OPCML: variants seen among roughly 807,000 people sequenced by gnomAD.
The protein encoded by OPCML is opioid binding protein/cell adhesion molecule like, also known as opioid-binding protein/cell adhesion molecule.
A neutral mutation model predicts 37.8 loss-of-function variants in OPCML; 13 were observed. That is an observed-to-expected ratio of 0.34 (90% CI 0.22 to 0.55). The LOEUF (loss-of-function observed/expected upper bound fraction) is 0.55. Among genes scored for constraint, OPCML ranks in the 20% least tolerant of loss-of-function variants. OPCML has a pLI of 0.91. For missense variants in OPCML, 341 were observed against 435.6 expected (o/e 0.78, Z 1.93); for synonymous variants, 176 against 168.8 (o/e 1.04, Z -0.33).
At chr11:132,426,310 A>G (rs12221543) in intron 7 of OPCML, among the ~76,000 whole-genome samples, 44,981 of 152,130 alleles carry the variant, frequency 0.3, 6,749 homozygotes, top group Admixed American at 0.31. Context: ...ATGCAGCTAC[A>G]AGGGAAGCTC....
Position 132,720,771 on chromosome 11 carries a change from T to G in OPCML, c.147-63452A>C, listed in dbSNP as rs573430174. ...AAGAAAATTAGCTGGAGATACAGTA[T>G]AGTCAGTGGTGACCTATTTATAAAA... is the stretch of plus-strand genomic sequence containing the variant. On this transcript the variant is annotated intron_variant, in intron 2 of 7. Coordinates refer to ENST00000524381, the MANE Select transcript of OPCML (RefSeq NM_001012393.5). Among the ~76,000 whole-genome samples the G allele has an allele frequency of 7.2e-5, 11 of 152,320 alleles. No individual in the cohort carries two copies. The East Asian group carries it at 2.1e-3, about 29-fold the overall frequency.
chr11:132,963,400 G>A (rs1338421366), intron 1 of OPCML, among the ~76,000 whole-genome samples: 1 of 151,930 alleles, frequency 6.6e-6, no homozygotes, highest in Non-Finnish European at 1.5e-5. Flanking sequence ...GACCAGCCTG[G>A]CCAATATGGT....
At chr11:132,495,298 C>T (rs567398978) in intron 4 of OPCML, among the ~76,000 whole-genome samples, 1 of 152,126 alleles carries the variant, frequency 6.6e-6, no homozygotes, top group Non-Finnish European at 1.5e-5. Context: ...AAGACAACTA[C>T]AATCTCAGAA....
At chr11:132,947,516 G>T (rs1487355590) in intron 1 of OPCML, among the ~76,000 whole-genome samples, 2 of 152,196 alleles carry the variant, frequency 1.3e-5, no homozygotes, top group Non-Finnish European at 1.5e-5. Flanking sequence ...TGACTGCAAA[G>T]GTCTCATTTA....
intron 3 of OPCML, among the ~76,000 whole-genome samples, chr11:132,572,177 T>C (rs1415232468): frequency 6.6e-6 from 1 of 152,084 alleles, no homozygotes; most frequent in Non-Finnish European, 1.5e-5. Context: ...GATTAACCCT[T>C]ACTGGACATA....
chr11:132,540,960 C>A (rs981700950), intron 3 of OPCML, among the ~76,000 whole-genome samples: 2 of 152,146 alleles, frequency 1.3e-5, no homozygotes, highest in Admixed American at 1.3e-4. Context: ...TCCTTTCCCC[C>A]CCGACTTGTA....
At chr11:133,052,948 T>C (rs893502531) in intron 1 of OPCML, among the ~76,000 whole-genome samples, 1 of 152,232 alleles carries the variant, frequency 6.6e-6, no homozygotes, top group Admixed American at 6.5e-5. Flanking sequence ...TTTTGAGATA[T>C]CTGAATTAAA....
At chr11:133,423,297 T>G (rs1945931540) in intron 1 of OPCML, 3 of 985,418 alleles carry the variant, frequency 3.0e-6, no homozygotes, top group Non-Finnish European at 3.6e-6. Flanking sequence ...GCAGAAAGAA[T>G]GAAGTTCTGA....
intron 1 of OPCML, among the ~76,000 whole-genome samples, chr11:133,047,175 T>C (rs922783034): frequency 1.3e-5 from 2 of 152,190 alleles, no homozygotes; most frequent in African/African-American, 2.4e-5. Flanking sequence ...TGTGGAAATA[T>C]GTGTCACCTT....
At chr11:132,842,185 C>T (rs374722021) in intron 2 of OPCML, among the ~76,000 whole-genome samples, 1 of 152,150 alleles carries the variant, frequency 6.6e-6, no homozygotes. Context: ...TACTACTTTA[C>T]CCCCTTCCTT....
At chr11:132,599,561 C>T (rs1252960503) in intron 3 of OPCML, among the ~76,000 whole-genome samples, 2 of 152,126 alleles carry the variant, frequency 1.3e-5, no homozygotes, top group Non-Finnish European at 2.9e-5. Flanking sequence ...GGCAGGCTCA[C>T]ATCTCACATT....
At chr11:132,871,879 A>G (rs1273049952) in intron 2 of OPCML, among the ~76,000 whole-genome samples, 1 of 152,160 alleles carries the variant, frequency 6.6e-6, no homozygotes, top group Non-Finnish European at 1.5e-5. Context: ...TCTTAAATGA[A>G]ATCTGCCTTA....
Position 132,490,599 on chromosome 11 carries a change from G to T in OPCML, c.505+38462C>A, listed in dbSNP as rs989076986. 3.9e-5 allele frequency among the ~76,000 whole-genome samples: 6 copies of T among 151,986 alleles called. 1 individual carries two copies. The Middle Eastern group carries it at 0.01, about 258-fold the overall frequency. On this transcript the variant is annotated intron_variant, in intron 4 of 7. Transcript: ENST00000524381. Reference sequence around the variant, plus strand: ...GTTGGGAGGCCGAGGCGGGCGGATCGTGAGGTCAGGAGATCGAGACCAACC... The same window carrying T: ...GTTGGGAGGCCGAGGCGGGCGGATCTTGAGGTCAGGAGATCGAGACCAACC...
intron 1 of OPCML, among the ~76,000 whole-genome samples, chr11:132,965,724 G>A (rs1946199293): frequency 1.3e-5 from 2 of 152,026 alleles, no homozygotes; most frequent in South Asian, 4.2e-4. Context: ...GTAGAGAGGG[G>A]GTTTCACTAT....
At chr11:133,276,567 AAAAC>A (rs1404646123) in intron 1 of OPCML, among the ~76,000 whole-genome samples, 2 of 152,240 alleles carry the variant, frequency 1.3e-5, no homozygotes, top group African/African-American at 4.8e-5. Flanking sequence ...GTAATATTGA[AAAAC>A]AGATTCTGAC....
chr11:133,044,537 G>T (rs902821905), intron 1 of OPCML, among the ~76,000 whole-genome samples: 1 of 152,178 alleles, frequency 6.6e-6, no homozygotes, highest in Non-Finnish European at 1.5e-5. Context: ...GGCCGAGGGC[G>T]AGCAGCCAGA....
intron 2 of OPCML, among the ~76,000 whole-genome samples, chr11:132,827,796 C>T (rs898457435): frequency 2.7e-5 from 4 of 146,996 alleles, no homozygotes; most frequent in East Asian, 1.9e-4. Flanking sequence ...CATGCCACCA[C>T]GCCTGGCTGA....
intron 1 of OPCML, among the ~76,000 whole-genome samples, chr11:133,522,259 T>C (rs1196110769): frequency 1.3e-5 from 2 of 151,876 alleles, no homozygotes; most frequent in Non-Finnish European, 2.9e-5. Flanking sequence ...CAAACAGATA[T>C]TTAAAAATAG....
chr11:132,779,056 C>G (rs1456582078), intron 2 of OPCML, among the ~76,000 whole-genome samples: 2 of 150,826 alleles, frequency 1.3e-5, no homozygotes, highest in African/African-American at 4.9e-5. Flanking sequence ...CAACCTCCAC[C>G]TCGGGGGTTC....
Sources: gnomAD v4.1 joint callset for allele counts (sites outside exome capture counted in the v4.1 genomes callset) on GRCh38, gnomAD v4.1.1 for gene constraint, MANE v1.5 for transcripts, NCBI Gene and HGNC (gene_info 2026-07-23, HGNC 2026-07-21) for gene names.